SMAD5: variants seen among roughly 807,000 people sequenced by gnomAD.
The protein encoded by SMAD5 is SMAD family member 5.
SMAD5 carries 9 observed loss-of-function variants against 43.1 expected under a neutral mutation model. The observed-to-expected ratio is 0.21, with a 90% confidence interval of 0.13 to 0.36. SMAD5 has a LOEUF of 0.36. Ranked by LOEUF, SMAD5 falls within the 10% of genes least tolerant of loss-of-function variation. The pLI is 1.00. For synonymous variants in SMAD5, 190 were observed against 192.4 expected, an observed-to-expected ratio of 0.99 and a Z score of 0.10; for missense variants, 348 against 574.0, an observed-to-expected ratio of 0.61 and a Z score of 4.02.
At chr5:136,140,233 G>A (rs1051509543) in intron 1 of SMAD5, among the ~76,000 whole-genome samples, 10 of 152,088 alleles carry the variant, frequency 6.6e-5, no homozygotes, top group Admixed American at 3.9e-4. Flanking sequence ...ATGTTCGCCA[G>A]GCTGGTCTTG....
intron 7 of SMAD5, 97 bp from the exon 8 acceptor site, chr5:136,177,240 C>T: frequency 1.0e-6 from 1 of 995,838 alleles, no homozygotes; most frequent in Non-Finnish European, 1.6e-6. Context: ...CTACATATCT[C>T]TACTGTTAAA....
chr5:136,158,174 C>T (rs1284673810), intron 3 of SMAD5, among the ~76,000 whole-genome samples: 2 of 151,870 alleles, frequency 1.3e-5, no homozygotes, highest in African/African-American at 4.8e-5. Flanking sequence ...TCAAACACTT[C>T]CCCAAACTGA....
rs1753809214 is a variant in SMAD5 at position 136,161,041 on chromosome 5, C to T, written c.589C>T (p.Pro197Ser). ...LSPNSPYPPSPASSTYPNSPA... is the reference protein window; with the variant it reads ...LSPNSPYPPSSASSTYPNSPA... Reference sequence around the variant, plus strand: ...TCCAAACAGCCCTTATCCCCCTTCTCCTGCTAGCAGCACATATCCCAACTC... The same window carrying T: ...TCCAAACAGCCCTTATCCCCCTTCTTCTGCTAGCAGCACATATCCCAACTC... The change falls in exon 4 of 8, where the codon CCT (proline) becomes TCT (serine). Residue 197 changes from proline (P) to serine (S), a missense_variant. Physicochemically the swap from Pro to Ser is moderately conservative, Grantham distance 74. This residue lies in a region of SMAD5 where 185 missense variants were observed against 207.0 expected (regional missense o/e 0.89). Coordinates refer to ENST00000545279, the MANE Select transcript of SMAD5 (RefSeq NM_005903.7). 5 of 1,613,836 alleles carry T rather than the reference C, an allele frequency of 3.1e-6. No homozygotes were observed. Among genetic ancestry groups the T allele is most frequent in the Non-Finnish European group, 3.4e-6 (4 of 1,179,816 alleles).
chr5:136,164,584 G>A (rs949517102), intron 5 of SMAD5, among the ~76,000 whole-genome samples: 5 of 152,146 alleles, frequency 3.3e-5, no homozygotes, highest in Admixed American at 3.3e-4. Flanking sequence ...GTCTTACTGA[G>A]TTGTAAGAAT....
intron 2 of SMAD5, among the ~76,000 whole-genome samples, chr5:136,152,100 T>G (rs1753489720): frequency 6.6e-6 from 1 of 152,092 alleles, no homozygotes; most frequent in Non-Finnish European, 1.5e-5. Context: ...ACAAGGCATA[T>G]CCATACATAA....
At chr5:136,171,610 C>T (rs1754221635) in intron 5 of SMAD5, among the ~76,000 whole-genome samples, 1 of 152,170 alleles carries the variant, frequency 6.6e-6, no homozygotes, top group South Asian at 2.1e-4. Context: ...AACGTCTATC[C>T]TGTGTCTGTC....
At chr5:136,141,613 C>T (rs564991034) in intron 1 of SMAD5, among the ~76,000 whole-genome samples, 1 of 152,270 alleles carries the variant, frequency 6.6e-6, no homozygotes. Context: ...CCTGCATGTC[C>T]TACAATGTCT....
rs1003734330 is a variant in SMAD5, at chr5:136,179,971, A to C, written c.*2491A>C. 2 of 152,152 alleles carry C rather than the reference A, an allele frequency of 1.3e-5. No individual in the cohort carries two copies. Among genetic ancestry groups the C allele is most frequent in the Non-Finnish European group, 2.9e-5 (2 of 68,006 alleles). The allele number at this position is 152,152 out of a possible 1,614,324, so 9.4% of individuals were successfully genotyped here. On this transcript the variant is annotated 3_prime_UTR_variant, in exon 8 of 8. Coordinates refer to ENST00000545279, the MANE Select transcript of SMAD5 (RefSeq NM_005903.7). ...TATGTCACAGTCTTGAGTTAACAAG[A>C]TCTTACGTGATTGGCCTTTTCTTTG...
Position 136,181,838 on chromosome 5 carries a change from A to G in SMAD5, c.*4358A>G, listed in dbSNP as rs1561664946. 6.6e-6 allele frequency: 1 copy of G among 152,194 alleles called. No individual in the cohort carries two copies. The highest frequency in any genetic ancestry group is 1.5e-5 in the Non-Finnish European group (1 of 68,002). 9.4% of individuals were successfully genotyped at this position (152,194 alleles called of 1,614,324 possible). On this transcript the variant is annotated 3_prime_UTR_variant, in exon 8 of 8. Coordinates refer to ENST00000545279, the MANE Select transcript of SMAD5 (RefSeq NM_005903.7). ...ATGACAGCCCAAAATTGGATGGTTT[A>G]CCAAAACCAATGAAAGGGATTTCAC...
intron 1 of SMAD5, among the ~76,000 whole-genome samples, chr5:136,146,599 G>A (rs866786562): frequency 1.3e-5 from 2 of 151,536 alleles, no homozygotes; most frequent in African/African-American, 4.8e-5. Flanking sequence ...TTTCATAACC[G>A]AGTACTTATG....
chr5:136,175,475 AT>A (rs955700900), intron 7 of SMAD5, among the ~76,000 whole-genome samples: 107 of 152,328 alleles, frequency 7.0e-4, no homozygotes, highest in African/African-American at 2.5e-3. Flanking sequence ...CAACCTTAAT[AT>A]TAAGGATTTG....
chr5:136,136,845 A>G (rs1162032107), intron 1 of SMAD5, among the ~76,000 whole-genome samples: 1 of 151,822 alleles, frequency 6.6e-6, no homozygotes, highest in East Asian at 1.9e-4. Flanking sequence ...ACAGGCACCC[A>G]CCACCACGTC....
At position 136,179,460 on chromosome 5, in the gene SMAD5, C is replaced by G. The variant is rs1323335908; in HGVS notation, c.*1980C>G. ...GACTTTCCACTTTGTCCTTTCTGCTCTTGTGAAGAAAAAAAAAAGCATTTT... is the reference window on the plus strand; with the variant it reads ...GACTTTCCACTTTGTCCTTTCTGCTGTTGTGAAGAAAAAAAAAAGCATTTT... On this transcript the variant is annotated 3_prime_UTR_variant, in exon 8 of 8. Transcript: ENST00000545279. 2.7e-5 allele frequency: 4 copies of G among 150,546 alleles called. No homozygotes were observed. The highest frequency in any genetic ancestry group is 5.9e-5 in the Non-Finnish European group (4 of 67,626). 9.3% of individuals were successfully genotyped at this position (150,546 alleles called of 1,614,324 possible).
intron 3 of SMAD5, among the ~76,000 whole-genome samples, chr5:136,155,909 C>T (rs956285713): frequency 1.1e-4 from 17 of 152,136 alleles, no homozygotes; most frequent in Non-Finnish European, 2.9e-5. Context: ...ATGGTATAAG[C>T]TGAGCTGCTA....
chr5:136,172,567 A>C lies in SMAD5; in HGVS notation c.909A>C (p.Ser303=). 1 of 1,613,206 alleles carries C rather than the reference A, an allele frequency of 6.2e-7. No individual in the cohort carries two copies. The highest frequency in any genetic ancestry group is 8.5e-7 in the Non-Finnish European group (1 of 1,179,186). The change falls in exon 6 of 8, where the codon TCA becomes TCC. Residue 303 remains serine (S), a synonymous_variant. Coordinates refer to ENST00000545279, the MANE Select transcript of SMAD5 (RefSeq NM_005903.7). The stretch of plus-strand genomic sequence containing the variant: ...TAGTAGATGGATTCACAGATCCTTC[A>C]AATAACAAAAGTAGATTCTGCTTGG... The part of the protein sequence containing the change: ...SVLVDGFTDP[S]NNKSRFCLGL...
intron 1 of SMAD5, among the ~76,000 whole-genome samples, chr5:136,145,045 T>C (rs1753213811): frequency 6.6e-6 from 1 of 151,214 alleles, no homozygotes; most frequent in Non-Finnish European, 1.5e-5. Context: ...TGGGGGCAAG[T>C]GATGGGGAGC....
chr5:136,146,996 A>G (rs1753278570), intron 1 of SMAD5, among the ~76,000 whole-genome samples: 2 of 151,660 alleles, frequency 1.3e-5, no homozygotes, highest in African/African-American at 2.4e-5. Context: ...GGGCAAGACT[A>G]TATATATGCA....
intron 4 of SMAD5, among the ~76,000 whole-genome samples, chr5:136,162,659 T>C (rs1308650041): frequency 6.6e-6 from 1 of 152,234 alleles, no homozygotes; most frequent in Non-Finnish European, 1.5e-5. Flanking sequence ...CTGTAGCTTT[T>C]GCAAAATTTT....
chr5:136,177,306 G>A, intron 7 of SMAD5, 31 bp from the exon 8 acceptor site: 1 of 1,610,380 alleles, frequency 6.2e-7, no homozygotes, highest in Non-Finnish European at 8.5e-7. Flanking sequence ...TTTAAAGAGG[G>A]ATTTGTGATG....
Sources: gnomAD v4.1 joint callset for allele counts (sites outside exome capture counted in the v4.1 genomes callset) on GRCh38, gnomAD v4.1.1 for gene constraint, gnomAD v4.1.1 regional missense constraint, MANE v1.5 for transcripts, NCBI Gene and HGNC (gene_info 2026-07-23, HGNC 2026-07-21) for gene names.